TNR: variants seen among roughly 807,000 people sequenced by gnomAD.
The protein encoded by TNR is tenascin-R.
In TNR, 45 loss-of-function variants were observed where a neutral mutation model predicts 150.4. The ratio of observed to expected loss-of-function variants is 0.30; its 90% CI spans 0.24 to 0.38. The LOEUF is 0.38. TNR is among the 10% of genes least tolerant of loss of function. TNR has a pLI of 1.00. For synonymous variants in TNR, 687 were observed against 678.4 expected (o/e 1.01, Z -0.20); for missense variants, 1,544 against 1,759.1 (o/e 0.88, Z 2.19).
chr1:175,733,520 T>A (rs936919889), intron 1 of TNR, among the ~76,000 whole-genome samples: 1 of 151,950 alleles, frequency 6.6e-6, no homozygotes, highest in African/African-American at 2.4e-5. Flanking sequence ...GCTGCCTGAG[T>A]TTCTCATTCT....
intron 7 of TNR, among the ~76,000 whole-genome samples, chr1:175,387,177 T>A (rs1557901122): frequency 6.6e-6 from 1 of 152,142 alleles, no homozygotes. Context: ...GGTGAGGGAA[T>A]GTAGAAGAAG....
chr1:175,504,516 G>C lies in TNR; in HGVS notation c.-64+23753C>G, dbSNP rs187258981. Among the ~76,000 whole-genome samples the C allele has an allele frequency of 1.2e-3, 177 of 152,274 alleles. 2 individuals are homozygous for C. Among genetic ancestry groups the C allele is most frequent in the Admixed American group, 9.8e-3 (150 of 15,306 alleles). On this transcript the variant is annotated intron_variant, in intron 2 of 22. Coordinates refer to ENST00000367674, the MANE Select transcript of TNR (RefSeq NM_003285.3). ...CTCACCCCTGTCCTGCCTCCGCTGT[G>C]AGTCGGGTGCTCATTTCTCCCCCTC...
At chr1:175,526,320 TG>T (rs1236469815) in intron 2 of TNR, among the ~76,000 whole-genome samples, 1 of 152,202 alleles carries the variant, frequency 6.6e-6, no homozygotes, top group Non-Finnish European at 1.5e-5. Context: ...TCATAAGGTG[TG>T]GGGGTATAGA....
chr1:175,711,347 C>G (rs1667008644), intron 1 of TNR, among the ~76,000 whole-genome samples: 1 of 151,624 alleles, frequency 6.6e-6, no homozygotes, highest in Non-Finnish European at 1.5e-5. Context: ...AGAGGGACAC[C>G]AAGTGCAAAG....
At chr1:175,656,506 G>C (rs1665181965) in intron 1 of TNR, 1 of 152,268 alleles carries the variant, frequency 6.6e-6, no homozygotes, top group Non-Finnish European at 1.5e-5. Flanking sequence ...CCTTTGGCTG[G>C]GGACCCAGTG....
At chr1:175,420,180 G>C (rs1035382574) in intron 2 of TNR, among the ~76,000 whole-genome samples, 1 of 152,136 alleles carries the variant, frequency 6.6e-6, no homozygotes, top group Admixed American at 6.5e-5. Context: ...CAACTTCAAC[G>C]AGACCTGACC....
intron 2 of TNR, among the ~76,000 whole-genome samples, chr1:175,452,381 A>G (rs979028930): frequency 2.6e-5 from 4 of 152,218 alleles, no homozygotes; most frequent in African/African-American, 9.6e-5. Flanking sequence ...AAGAAAATAA[A>G]CCCTGGAAAC....
intron 18 of TNR, among the ~76,000 whole-genome samples, chr1:175,348,911 G>A (rs1158097637): frequency 1.3e-5 from 2 of 152,078 alleles, no homozygotes; most frequent in Non-Finnish European, 2.9e-5. Context: ...ACAGGAACCC[G>A]GTGGAAAATT....
chr1:175,535,550 T>C (rs1393408628), intron 1 of TNR, among the ~76,000 whole-genome samples: 1 of 151,880 alleles, frequency 6.6e-6, no homozygotes, highest in African/African-American at 2.4e-5. Context: ...AAGCTCTGCC[T>C]CCCGGGTTCA....
At chr1:175,427,936 C>CCTTCCTT (rs1655089115) in intron 2 of TNR, among the ~76,000 whole-genome samples, 1 of 130,096 alleles carries the variant, frequency 7.7e-6, no homozygotes, top group African/African-American at 3.2e-5. Flanking sequence ...CTTCCTGTCT[C>CCTTCCTT]CATTTCCCAG....
intron 21 of TNR, among the ~76,000 whole-genome samples, chr1:175,325,345 G>C (rs1413759563): frequency 6.6e-6 from 1 of 152,130 alleles, no homozygotes; most frequent in South Asian, 2.1e-4. Context: ...TTAGAATGGC[G>C]ATCATTAAAA....
chr1:175,659,626 C>T (rs2101895697), intron 1 of TNR, among the ~76,000 whole-genome samples: 2 of 152,296 alleles, frequency 1.3e-5, no homozygotes, highest in Middle Eastern at 6.8e-3. Flanking sequence ...TCAAAAGGCT[C>T]AGAGCCTCAT....
chr1:175,562,046 G>A (rs16848622), intron 1 of TNR, among the ~76,000 whole-genome samples: 22,749 of 152,170 alleles, frequency 0.15, 2,101 homozygotes, highest in African/African-American at 0.26. Flanking sequence ...GTGGAAGAAG[G>A]ATAAGAGGGC....
At chr1:175,402,367 T>A (rs1158310567) in intron 4 of TNR, among the ~76,000 whole-genome samples, 1 of 151,336 alleles carries the variant, frequency 6.6e-6, no homozygotes, top group East Asian at 1.9e-4. Context: ...GATACTTTTT[T>A]TTTTTTTTCT....
intron 1 of TNR, among the ~76,000 whole-genome samples, chr1:175,588,004 G>T (rs140084073): frequency 1.3e-5 from 2 of 152,294 alleles, no homozygotes; most frequent in East Asian, 3.9e-4. Context: ...AGATGGCCAG[G>T]AGTGAATGAT....
At chr1:175,639,543 C>T (rs1398121509) in intron 1 of TNR, among the ~76,000 whole-genome samples, 1 of 152,100 alleles carries the variant, frequency 6.6e-6, no homozygotes, top group African/African-American at 2.4e-5. Context: ...TTCTTTTTAC[C>T]AACCCATGAA....
intron 2 of TNR, among the ~76,000 whole-genome samples, chr1:175,490,397 T>C (rs1200127940): frequency 7.2e-5 from 11 of 152,286 alleles, no homozygotes; most frequent in Middle Eastern, 3.4e-3. Context: ...CTAAAGAGCT[T>C]CTGCACAACA....
chr1:175,473,877 T>C (rs16848484), intron 2 of TNR, among the ~76,000 whole-genome samples: 3 of 152,094 alleles, frequency 2.0e-5, no homozygotes, highest in Non-Finnish European at 4.4e-5. Context: ...AAAATGCTGG[T>C]TTTAATGAAG....
chr1:175,556,861 T>A (rs530215187), intron 1 of TNR: 1 of 152,406 alleles, frequency 6.6e-6, no homozygotes, highest in African/African-American at 2.4e-5. Flanking sequence ...GCCATGAGTG[T>A]GTGTGGGACC....
Sources: gnomAD v4.1 joint callset for allele counts (sites outside exome capture counted in the v4.1 genomes callset) on GRCh38, gnomAD v4.1.1 for gene constraint, MANE v1.5 for transcripts, NCBI Gene and HGNC (gene_info 2026-07-23, HGNC 2026-07-21) for gene names.